Variants in SIPA1L3 observed in about 807,000 individuals in gnomAD.
SIPA1L3 encodes the protein signal-induced proliferation-associated 1-like protein 3.
SIPA1L3 carries 59 observed loss-of-function variants against 150.1 expected under a neutral mutation model. The ratio of observed to expected loss-of-function variants is 0.39; its 90% CI spans 0.32 to 0.49. The LOEUF is 0.49. Among genes scored for constraint, SIPA1L3 ranks in the 20% least tolerant of loss-of-function variants. The probability of loss-of-function intolerance (pLI) is 0.86; values close to 1 mark genes in which losing one functional copy is unlikely to be tolerated. For synonymous variants in SIPA1L3, 1,070 were observed against 1,077.6 expected, an observed-to-expected ratio of 0.99 and a Z score of 0.14; for missense variants, 2,211 against 2,489.5, an observed-to-expected ratio of 0.89 and a Z score of 2.38.
intron 1 of SIPA1L3, among the ~76,000 whole-genome samples, chr19:37,993,343 A>T (rs998331312): frequency 4.0e-5 from 6 of 151,826 alleles, no homozygotes; most frequent in Non-Finnish European, 8.8e-5. Flanking sequence ...TATTATTATT[A>T]TTTTTGAGAT....
intron 2 of SIPA1L3, among the ~76,000 whole-genome samples, chr19:38,030,359 G>A (rs573897382): frequency 6.6e-6 from 1 of 151,964 alleles, no homozygotes; most frequent in South Asian, 2.1e-4. Flanking sequence ...CCCAGGTGCT[G>A]GAGACCAGCC....
chr19:38,035,926 C>T (rs1968771990), intron 2 of SIPA1L3, among the ~76,000 whole-genome samples: 1 of 152,216 alleles, frequency 6.6e-6, no homozygotes, highest in Admixed American at 6.5e-5. Context: ...GGTCGCCCTG[C>T]ACCCAGCCCT....
At chr19:38,009,708 C>T (rs918450417) in intron 1 of SIPA1L3, among the ~76,000 whole-genome samples, 2 of 152,054 alleles carry the variant, frequency 1.3e-5, no homozygotes, top group East Asian at 1.9e-4. Flanking sequence ...GATGCTAAGC[C>T]GCAGACCTGT....
chr19:38,016,665 G>A (rs545347023), intron 1 of SIPA1L3, among the ~76,000 whole-genome samples: 1 of 151,896 alleles, frequency 6.6e-6, no homozygotes, highest in African/African-American at 2.4e-5. Flanking sequence ...GCTAACTTTT[G>A]TATTTTTAGT....
At chr19:37,993,230 A>G (rs1202013179) in intron 1 of SIPA1L3, among the ~76,000 whole-genome samples, 1 of 152,182 alleles carries the variant, frequency 6.6e-6, no homozygotes, top group Non-Finnish European at 1.5e-5. Context: ...CCCACTTCAC[A>G]TGGGGCTGTG....
chr19:38,186,573 C>T (rs761276476), intron 16 of SIPA1L3, among the ~76,000 whole-genome samples: 11 of 149,122 alleles, frequency 7.4e-5, no homozygotes, highest in Admixed American at 4.0e-4. Context: ...AGGCTGGTCT[C>T]GAACTCTTGA....
intron 8 of SIPA1L3, among the ~76,000 whole-genome samples, chr19:38,112,429 C>T (rs1235926657): frequency 6.6e-6 from 1 of 152,220 alleles, no homozygotes; most frequent in Non-Finnish European, 1.5e-5. Context: ...GACCTCCCCT[C>T]TCCTACTGGG....
chr19:38,006,146 ATCAG>A (rs1437867663), intron 1 of SIPA1L3, among the ~76,000 whole-genome samples: 1 of 152,144 alleles, frequency 6.6e-6, no homozygotes, highest in Non-Finnish European at 1.5e-5. Context: ...GGCTGAGAGC[ATCAG>A]TCAAAGTTTG....
Position 37,921,954 on chromosome 19 carries a change from A to G in SIPA1L3, c.-379+14596A>G, listed in dbSNP as rs906567255. ...CAGTTCTTTTAGTAGAGAGGCTTTCAGGTGAGTCTAGTGTGGAGGGAATGT... is the reference window on the plus strand; with the variant it reads ...CAGTTCTTTTAGTAGAGAGGCTTTCGGGTGAGTCTAGTGTGGAGGGAATGT... On this transcript the variant is annotated intron_variant, in intron 1 of 21. Coordinates refer to ENST00000222345, the MANE Select transcript of SIPA1L3 (RefSeq NM_015073.3). Among the ~76,000 whole-genome samples the G allele has an allele frequency of 4.6e-5, 7 of 152,064 alleles. No homozygotes were observed. In the East Asian group the frequency reaches 1.4e-3, roughly 29 times the overall value.
intron 15 of SIPA1L3, among the ~76,000 whole-genome samples, chr19:38,171,858 C>T (rs1398604291): frequency 5.3e-5 from 8 of 152,062 alleles, no homozygotes; most frequent in Admixed American, 3.9e-4. Context: ...CCCTGTTGAT[C>T]AATCAATCAC....
At chr19:38,177,971 C>T (rs745469649) in intron 15 of SIPA1L3, among the ~76,000 whole-genome samples, 10 of 151,726 alleles carry the variant, frequency 6.6e-5, no homozygotes, top group Admixed American at 1.3e-4. Context: ...GAGGTTGCAG[C>T]GAGCCGAGAT....
At chr19:38,153,227 G>T (rs1015189613) in intron 13 of SIPA1L3, among the ~76,000 whole-genome samples, 1 of 152,250 alleles carries the variant, frequency 6.6e-6, no homozygotes, top group Non-Finnish European at 1.5e-5. Flanking sequence ...GTGCAGCTGT[G>T]TGACATGGAG....
chr19:38,138,897 C>CAAA (rs3045988), intron 10 of SIPA1L3, among the ~76,000 whole-genome samples: 1 of 44,132 alleles, frequency 2.3e-5, no homozygotes, highest in Admixed American at 3.3e-4. Context: ...GACTCTATCT[C>CAAA]AAAAAAAAAA....
chr19:38,130,305 C>A (rs1471582428), intron 9 of SIPA1L3, among the ~76,000 whole-genome samples, 193 bp from the exon 10 acceptor site: 1 of 152,200 alleles, frequency 6.6e-6, no homozygotes. Context: ...CCACATTTCC[C>A]CTCCAGAAAT....
At chr19:38,045,220 A>G (rs1210157860) in intron 2 of SIPA1L3, among the ~76,000 whole-genome samples, 1 of 152,132 alleles carries the variant, frequency 6.6e-6, no homozygotes, top group African/African-American at 2.4e-5. Context: ...TCTACAAAAA[A>G]TACAAAAAGT....
intron 4 of SIPA1L3, among the ~76,000 whole-genome samples, chr19:38,099,337 CTT>C (rs11434268): frequency 6.2e-5 from 9 of 145,492 alleles, no homozygotes; most frequent in Non-Finnish European, 3.0e-5. Flanking sequence ...CACGCCTGGC[CTT>C]TTTTTTTTTT....
At chr19:38,141,572 C>T (rs1600127815) in intron 11 of SIPA1L3, 137 bp downstream of exon 11, 1 of 941,564 alleles carries the variant, frequency 1.1e-6, no homozygotes, top group East Asian at 2.6e-5. Flanking sequence ...ATCCTTATGT[C>T]TCCCTTGTTC....
chr19:38,119,941 A>G, intron 9 of SIPA1L3, 59 bp downstream of exon 9: 1 of 1,210,102 alleles, frequency 8.3e-7, no homozygotes, highest in Non-Finnish European at 1.2e-6. Flanking sequence ...CTCAGGAACC[A>G]CTGAAATACT....
At chr19:38,052,170 T>G (rs1043524696) in intron 2 of SIPA1L3, among the ~76,000 whole-genome samples, 6 of 152,224 alleles carry the variant, frequency 3.9e-5, no homozygotes, top group African/African-American at 1.4e-4. Context: ...TGCTTTTCAT[T>G]TTCCATGGTG....
Sources: allele counts gnomAD v4.1 joint callset (sites outside exome capture counted in the v4.1 genomes callset), GRCh38; gene constraint gnomAD v4.1.1; transcripts MANE v1.5; gene names NCBI Gene and HGNC (gene_info 2026-07-23, HGNC 2026-07-21).